SORT1: variants seen among roughly 807,000 people sequenced by gnomAD.
SORT1 encodes sortilin 1, also known as sortilin.
A neutral mutation model predicts 101.7 loss-of-function variants in SORT1; 39 were observed. That is an observed-to-expected ratio of 0.38 (90% confidence interval 0.30 to 0.50). The LOEUF is 0.50. Ranked by LOEUF, SORT1 falls within the 20% of genes least tolerant of loss-of-function variation. The pLI is 0.90. For missense variants in SORT1, 878 were observed against 1,040.4 expected (o/e 0.84, Z 2.15); for synonymous variants, 396 against 393.7 (o/e 1.01, Z -0.07).
intron 1 of SORT1, 125 bp from the exon 2 acceptor site, chr1:109,369,714 G>C (rs987501262): frequency 1.5e-6 from 1 of 677,576 alleles, no homozygotes. Flanking sequence ...AGTGGGTATG[G>C]ATTCCCAGTA....
Position 109,312,635 on chromosome 1 carries a change from C to T in SORT1, c.*1408G>A, listed in dbSNP as rs1658796334. On this transcript the variant is annotated 3_prime_UTR_variant, in exon 20 of 20. Transcript: ENST00000256637. ...GGAGAAACTGTGACCCGCACAGTAG[C>T]TACATTAAGACCAAAAACTTTCCAT... The T allele has an allele frequency of 6.6e-6, 1 of 152,548 alleles. No individual in the cohort carries two copies. Among genetic ancestry groups the T allele is most frequent in the Non-Finnish European group, 1.5e-5 (1 of 68,022 alleles). 9.4% of individuals were successfully genotyped at this position (152,548 alleles called of 1,614,324 possible). A position where few individuals can be genotyped will look rare whatever the true frequency, so the allele number is the denominator to read the frequency against.
chr1:109,396,967 TG>T (rs1300186309), intron 1 of SORT1, among the ~76,000 whole-genome samples: 1 of 152,210 alleles, frequency 6.6e-6, no homozygotes, highest in East Asian at 1.9e-4. Context: ...GCAGAATATG[TG>T]CAATGCGTTT....
At chr1:109,395,061 A>G (rs1338714663) in intron 1 of SORT1, among the ~76,000 whole-genome samples, 1 of 152,074 alleles carries the variant, frequency 6.6e-6, no homozygotes, top group African/African-American at 2.4e-5. Context: ...AGGCTACTAC[A>G]TAACAATTCT....
chr1:109,334,711 A>G (rs577622067), intron 11 of SORT1, among the ~76,000 whole-genome samples: 2 of 152,308 alleles, frequency 1.3e-5, no homozygotes, highest in South Asian at 4.1e-4. Context: ...GAGGTGATGC[A>G]TATGTTAGTT....
intron 15 of SORT1, among the ~76,000 whole-genome samples, chr1:109,321,897 T>G (rs1209687484): frequency 1.3e-5 from 2 of 152,166 alleles, no homozygotes; most frequent in East Asian, 3.8e-4. Context: ...GCCAGCCAAG[T>G]AACTAATCCT....
intron 11 of SORT1, among the ~76,000 whole-genome samples, chr1:109,335,623 C>T (rs2101570292): frequency 6.6e-6 from 1 of 152,180 alleles, no homozygotes; most frequent in African/African-American, 2.4e-5. Flanking sequence ...CCCAAGCTCA[C>T]ATTCTGTGAG....
intron 1 of SORT1, among the ~76,000 whole-genome samples, chr1:109,379,178 T>C (rs1276688601): frequency 1.3e-5 from 2 of 151,722 alleles, no homozygotes; most frequent in Non-Finnish European, 2.9e-5. Flanking sequence ...GTTGCTCTAA[T>C]GTAGCATGCC....
intron 2 of SORT1, among the ~76,000 whole-genome samples, chr1:109,368,293 CAAA>C (rs35637507): frequency 6.7e-5 from 4 of 59,432 alleles, no homozygotes; most frequent in Admixed American, 1.8e-4. Flanking sequence ...GACTCTGTCT[CAAA>C]AAAAAAAAAA....
At chr1:109,321,156 T>C (rs983501416) in intron 15 of SORT1, among the ~76,000 whole-genome samples, 1 of 152,196 alleles carries the variant, frequency 6.6e-6, no homozygotes, top group Middle Eastern at 3.2e-3. Context: ...TATTATCGAA[T>C]AGAATATGCT....
intron 3 of SORT1, among the ~76,000 whole-genome samples, chr1:109,365,610 A>C (rs1434994727): frequency 6.6e-6 from 1 of 152,224 alleles, no homozygotes; most frequent in Non-Finnish European, 1.5e-5. Flanking sequence ...ATTTAAAAAA[A>C]TTTAATTAAC....
In SORT1 at chr1:109,351,005, G is replaced by A; in HGVS notation, c.709-3C>T. ...TTCTTGGACACCCACAGGCCATTCT[G>A]AAAGATTATAAATGACTTATCAAAA... is the stretch of plus-strand genomic sequence containing the variant. On this transcript the variant is annotated splice_region_variant and splice_polypyrimidine_tract_variant and intron_variant, in intron 5 of 19. Transcript: ENST00000256637. 6.3e-7 allele frequency: 1 copy of A among 1,594,366 alleles called. No homozygotes were observed. The highest frequency in any genetic ancestry group is 8.6e-7 in the Non-Finnish European group (1 of 1,161,824).
chr1:109,379,171 G>C (rs1267875546), intron 1 of SORT1, among the ~76,000 whole-genome samples: 2 of 151,716 alleles, frequency 1.3e-5, no homozygotes, highest in African/African-American at 4.8e-5. Context: ...TAGCTGTGTT[G>C]CTCTAATGTA....
intron 11 of SORT1, among the ~76,000 whole-genome samples, chr1:109,332,411 C>G (rs1316618159): frequency 2.0e-5 from 3 of 152,102 alleles, no homozygotes. Context: ...GGTGAAACCC[C>G]ATCTCTACCA....
rs1007193076 is a variant in SORT1 at position 109,387,194 on chromosome 1, G to A, written c.306+10393C>T. 3.9e-5 allele frequency among the ~76,000 whole-genome samples: 6 copies of A among 152,328 alleles called. No homozygotes were observed. The East Asian group carries it at 1.2e-3, about 29-fold the overall frequency. ...CAGTCCCAGCTACTTTGGAGGCTGAGGCAGGAGGATCACTTGAACCCAGGA... is the reference window on the plus strand; with the variant it reads ...CAGTCCCAGCTACTTTGGAGGCTGAAGCAGGAGGATCACTTGAACCCAGGA... On this transcript the variant is annotated intron_variant, in intron 1 of 19. Transcript: ENST00000256637.
rs1279615315 is a variant in SORT1 at position 109,397,848 on chromosome 1, G to A, written c.45C>T (p.Pro15=). ...WGAADGLSRW[P]HGLGLLLLLQ... is the part of the protein sequence containing the mutation. ...GGAGGAGGAGGAGGCCGAGGCCATG[G>A]GGCCAGCGCGAGAGGCCGTCCGCAG... The change falls in exon 1 of 20, where the codon CCC becomes CCT. Residue 15 remains proline, a synonymous_variant. Transcript: ENST00000256637. The A allele has an allele frequency of 2.4e-5, 31 of 1,292,406 alleles. No individual in the cohort carries two copies. Among genetic ancestry groups the A allele is most frequent in the Non-Finnish European group, 3.1e-5 (31 of 1,009,228 alleles). The allele number at this position is 1,292,406 out of a possible 1,614,324, so 80.1% of individuals were successfully genotyped here. A position where few individuals can be genotyped will look rare whatever the true frequency, so the allele number is the denominator to read the frequency against.
At chr1:109,335,168 A>G (rs894744709) in intron 11 of SORT1, among the ~76,000 whole-genome samples, 2 of 152,154 alleles carry the variant, frequency 1.3e-5, no homozygotes, top group African/African-American at 2.4e-5. Flanking sequence ...GTGAGCAATG[A>G]CAATGAAAAG....
intron 11 of SORT1, among the ~76,000 whole-genome samples, chr1:109,331,828 C>A (rs1648471447): frequency 6.7e-6 from 1 of 150,052 alleles, no homozygotes; most frequent in Admixed American, 6.6e-5. Flanking sequence ...CTAATAAATT[C>A]AAAAAAGTTG....
Position 109,314,033 on chromosome 1 carries a change from C to A in SORT1, c.*10G>T. 6.2e-7 allele frequency: 1 copy of A among 1,613,806 alleles called. No individual in the cohort carries two copies. Among genetic ancestry groups the A allele is most frequent in the Non-Finnish European group, 8.5e-7 (1 of 1,179,730 alleles). On this transcript the variant is annotated 3_prime_UTR_variant, in exon 20 of 20. Coordinates refer to ENST00000256637, the MANE Select transcript of SORT1 (RefSeq NM_002959.7). ...CCACCATCCATGCTGGGTCCAGCTCCTCTGAAGAGCTATTCCAAGAGGTCC... is the reference window on the plus strand; with the variant it reads ...CCACCATCCATGCTGGGTCCAGCTCATCTGAAGAGCTATTCCAAGAGGTCC...
At position 109,354,437 on chromosome 1, in the gene SORT1, G is replaced by C; in HGVS notation, c.638C>G (p.Pro213Arg). Residue 213 changes from proline to arginine, a missense_variant, in exon 5 of 20, where the codon CCT becomes CGT. Pro to Arg is a moderately radical substitution (Grantham distance 103). Around this residue, in one of 2 missense-constraint regions of SORT1, gnomAD observed 684 missense variants for 894.5 expected, o/e 0.76. Coordinates refer to ENST00000256637, the MANE Select transcript of SORT1 (RefSeq NM_002959.7). ...FAKNFVQTDL[P>R]FHPLTQMMYS... ...CATCATCTGAGTGAGAGGATGAAAA[G>C]GGAGATCTGTTTGCACAAAATTCTT... The C allele has an allele frequency of 6.2e-7, 1 of 1,613,234 alleles. No homozygotes were observed. The highest frequency in any genetic ancestry group is 8.5e-7 in the Non-Finnish European group (1 of 1,179,246).
Sources: allele counts gnomAD v4.1 joint callset (sites outside exome capture counted in the v4.1 genomes callset), GRCh38; gene constraint gnomAD v4.1.1; regional missense constraint gnomAD v4.1.1; transcripts MANE v1.5; gene names NCBI Gene and HGNC (gene_info 2026-07-23, HGNC 2026-07-21).